Variants in GFRA1 observed in about 807,000 individuals in gnomAD.
GFRA1 encodes the protein GDNF family receptor alpha-1.
In GFRA1, 16 loss-of-function variants were observed where a neutral mutation model predicts 51.6. The ratio of observed to expected loss-of-function variants is 0.31; its 90% confidence interval spans 0.21 to 0.47. The LOEUF (loss-of-function observed/expected upper bound fraction) is 0.47. Ranked by LOEUF, GFRA1 falls within the 20% of genes least tolerant of loss-of-function variation. The pLI, the probability that GFRA1 is intolerant of heterozygous loss-of-function variation, is 1.00. For synonymous variants in GFRA1, 270 were observed against 241.3 expected (o/e 1.12, Z -1.10); for missense variants, 530 against 594.3 (o/e 0.89, Z 1.13).
chr10:116,229,601 G>C (rs1589891412), intron 4 of GFRA1, among the ~76,000 whole-genome samples: 1 of 152,160 alleles, frequency 6.6e-6, no homozygotes, highest in Non-Finnish European at 1.5e-5. Context: ...CTTAGGAGCT[G>C]CATGATGTTC....
intron 6 of GFRA1, among the ~76,000 whole-genome samples, chr10:116,109,435 G>T (rs1055517527): frequency 6.6e-6 from 1 of 152,118 alleles, no homozygotes; most frequent in Non-Finnish European, 1.5e-5. Context: ...GGTTAATAGC[G>T]CTTGTAGCTT....
chr10:116,205,393 G>A (rs1054776136), intron 5 of GFRA1, among the ~76,000 whole-genome samples: 5 of 151,878 alleles, frequency 3.3e-5, no homozygotes, highest in African/African-American at 9.7e-5. Context: ...TCGCCAACAA[G>A]GTGAAACCCC....
chr10:116,164,930 T>G (rs1451872705), intron 5 of GFRA1, among the ~76,000 whole-genome samples: 2 of 152,266 alleles, frequency 1.3e-5, no homozygotes, highest in Non-Finnish European at 2.9e-5. Flanking sequence ...TTAAAACAAG[T>G]TTTTCATAAT....
At chr10:116,207,771 G>C (rs976536101) in intron 5 of GFRA1, among the ~76,000 whole-genome samples, 4 of 152,134 alleles carry the variant, frequency 2.6e-5, no homozygotes, top group African/African-American at 9.7e-5. Context: ...GCAGATGTAA[G>C]TCATGGGCAC....
chr10:116,194,254 G>A (rs948139159), intron 5 of GFRA1, among the ~76,000 whole-genome samples: 2 of 151,970 alleles, frequency 1.3e-5, no homozygotes, highest in African/African-American at 4.8e-5. Context: ...TTGCCAAAGT[G>A]GACTGATAAA....
At chr10:116,083,940 C>T (rs529613401) in intron 9 of GFRA1, among the ~76,000 whole-genome samples, 9 of 152,314 alleles carry the variant, frequency 5.9e-5, no homozygotes, top group Admixed American at 2.6e-4. Flanking sequence ...CCTACAAGTA[C>T]CTGTTTTCTA....
At chr10:116,271,162 C>T (rs1342696528) in intron 2 of GFRA1, 47 bp from the exon 3 acceptor site, 4 of 1,538,740 alleles carry the variant, frequency 2.6e-6, no homozygotes, top group South Asian at 1.2e-5. Context: ...GCGGGGACCC[C>T]GGCCGCCCCT....
chr10:116,130,344 C>G (rs1361714590), intron 5 of GFRA1, among the ~76,000 whole-genome samples: 1 of 151,966 alleles, frequency 6.6e-6, no homozygotes, highest in African/African-American at 2.4e-5. Context: ...ATTTTTTAAA[C>G]TCATATATAA....
At chr10:116,159,631 G>T (rs1959535348) in intron 5 of GFRA1, among the ~76,000 whole-genome samples, 2 of 152,174 alleles carry the variant, frequency 1.3e-5, no homozygotes, top group Admixed American at 1.3e-4. Flanking sequence ...GGGCTGGCTG[G>T]AAACGAACAC....
intron 5 of GFRA1, among the ~76,000 whole-genome samples, chr10:116,148,778 G>A (rs1220723362): frequency 6.6e-6 from 1 of 152,182 alleles, no homozygotes; most frequent in Non-Finnish European, 1.5e-5. Flanking sequence ...TTAAATACAA[G>A]AAGAAGCTTA....
chr10:116,135,607 TAG>T (rs751094115), intron 5 of GFRA1, among the ~76,000 whole-genome samples: 70 of 152,268 alleles, frequency 4.6e-4, no homozygotes, highest in Non-Finnish European at 7.9e-4. Context: ...TCCTCAAGTA[TAG>T]AGAGGCACAA....
intron 5 of GFRA1, among the ~76,000 whole-genome samples, chr10:116,169,516 G>A (rs115106817): frequency 0.012 from 1,896 of 152,308 alleles, 43 homozygotes; most frequent in African/African-American, 0.044. Context: ...ACTGGCAGAG[G>A]AGCAGAGCGC....
chr10:116,150,859 A>G (rs138009732), intron 5 of GFRA1, among the ~76,000 whole-genome samples: 1 of 152,350 alleles, frequency 6.6e-6, no homozygotes, highest in East Asian at 1.9e-4. Context: ...TAGACGATTC[A>G]GATGATTCAG....
At chr10:116,145,894 A>G (rs1311519614) in intron 5 of GFRA1, among the ~76,000 whole-genome samples, 2 of 152,220 alleles carry the variant, frequency 1.3e-5, no homozygotes, top group Non-Finnish European at 1.5e-5. Context: ...CAAGAGCTAT[A>G]GTATATCAAG....
At chr10:116,190,909 G>A (rs948460468) in intron 5 of GFRA1, among the ~76,000 whole-genome samples, 1 of 152,188 alleles carries the variant, frequency 6.6e-6, no homozygotes, top group Non-Finnish European at 1.5e-5. Flanking sequence ...AACTTTCAAT[G>A]TGCTTGGCTA....
chr10:116,071,754 G>A (rs894116010), intron 9 of GFRA1, among the ~76,000 whole-genome samples: 1 of 152,178 alleles, frequency 6.6e-6, no homozygotes, highest in African/African-American at 2.4e-5. Context: ...TTAAATTAAA[G>A]GGCAAAATCA....
intron 9 of GFRA1, among the ~76,000 whole-genome samples, chr10:116,083,565 A>G (rs1955951357): frequency 6.6e-6 from 1 of 152,264 alleles, no homozygotes; most frequent in South Asian, 2.1e-4. Flanking sequence ...CTGCTGGCAC[A>G]AATGATTTAC....
intron 5 of GFRA1, among the ~76,000 whole-genome samples, chr10:116,197,463 T>G (rs1195351609): frequency 6.6e-6 from 1 of 152,230 alleles, no homozygotes; most frequent in African/African-American, 2.4e-5. Context: ...TAGTTTGGAA[T>G]GTATGTGTGT....
intron 6 of GFRA1, among the ~76,000 whole-genome samples, chr10:116,102,006 T>C (rs1245884678): frequency 6.6e-6 from 1 of 152,122 alleles, no homozygotes; most frequent in Non-Finnish European, 1.5e-5. Flanking sequence ...ACTGTTATGA[T>C]TTCAGTGTCA....
Sources: allele counts gnomAD v4.1 joint callset (sites outside exome capture counted in the v4.1 genomes callset), GRCh38; gene constraint gnomAD v4.1.1; transcripts MANE v1.5; gene names NCBI Gene and HGNC (gene_info 2026-07-23, HGNC 2026-07-21).